Variants in HNF1B observed in about 807,000 individuals in gnomAD.
HNF1B encodes HNF1 homeobox B.
A neutral mutation model predicts 61.7 loss-of-function variants in HNF1B; 8 were observed. That is an observed-to-expected ratio of 0.13 (90% CI 0.08 to 0.23). The LOEUF (loss-of-function observed/expected upper bound fraction) is 0.23, where lower values mean the gene tolerates loss of function less well. Among genes scored for constraint, HNF1B ranks in the 10% least tolerant of loss-of-function variants. The pLI, the probability that HNF1B is intolerant of heterozygous loss-of-function variation, is 1.00. For missense variants in HNF1B, 562 were observed against 714.5 expected, an observed-to-expected ratio of 0.79 and a Z score of 2.43; for synonymous variants, 314 against 287.7, an observed-to-expected ratio of 1.09 and a Z score of -0.93.
At chr17:37,701,704 T>C (rs545807476) in intron 6 of HNF1B, among the ~76,000 whole-genome samples, 43 of 152,230 alleles carry the variant, frequency 2.8e-4, no homozygotes, top group African/African-American at 1.0e-3. Context: ...TAGTAGACTG[T>C]ACAAAGACCC....
chr17:37,704,862 C>T (rs936692535), intron 6 of HNF1B, 55 bp downstream of exon 6: 2 of 1,596,092 alleles, frequency 1.3e-6, no homozygotes, highest in Admixed American at 3.3e-5. Context: ...CATTAATTTG[C>T]TTCCCATTCT....
At chr17:37,731,345 A>C in intron 4 of HNF1B, 2 of 619,582 alleles carry the variant, frequency 3.2e-6, no homozygotes, top group East Asian at 2.8e-5. Context: ...AGAGGGAAGG[A>C]GACAAATAGG....
At chr17:37,744,269 T>C (rs1299947240) in intron 1 of HNF1B, among the ~76,000 whole-genome samples, 1 of 152,088 alleles carries the variant, frequency 6.6e-6, no homozygotes, top group Admixed American at 6.5e-5. Flanking sequence ...CAGCTCCAGT[T>C]CTCCCCGGCC....
At chr17:37,716,267 G>A (rs1461906918) in intron 4 of HNF1B, among the ~76,000 whole-genome samples, 6 of 152,064 alleles carry the variant, frequency 3.9e-5, no homozygotes, top group Admixed American at 2.6e-4. Context: ...GCGTAATCTC[G>A]GCTCACGGCA....
At chr17:37,737,422 G>T (rs1469330985) in intron 2 of HNF1B, among the ~76,000 whole-genome samples, 1 of 152,190 alleles carries the variant, frequency 6.6e-6, no homozygotes, top group African/African-American at 2.4e-5. Context: ...CTGGAGAAAA[G>T]AACCTATGTA....
rs2688 is a variant in HNF1B at position 37,686,928 on chromosome 17, T to C, written c.*444A>G. ...TCTTTAAAAGAAATCTCAAGATCATTTGGGATGGGGGCAGGGGAGGGAGTC... is the reference window on the plus strand; with the variant it reads ...TCTTTAAAAGAAATCTCAAGATCATCTGGGATGGGGGCAGGGGAGGGAGTC... On this transcript the variant is annotated 3_prime_UTR_variant, in exon 9 of 9. Coordinates refer to ENST00000617811, the MANE Select transcript of HNF1B (RefSeq NM_000458.4). 3.0e-6 allele frequency: 1 copy of C among 335,094 alleles called. No individual in the cohort carries two copies. Among genetic ancestry groups the C allele is most frequent in the Non-Finnish European group, 5.7e-6 (1 of 175,468 alleles). 20.8% of individuals were successfully genotyped at this position (335,094 alleles called of 1,614,324 possible).
At chr17:37,720,360 G>C (rs995623352) in intron 4 of HNF1B, among the ~76,000 whole-genome samples, 1 of 152,118 alleles carries the variant, frequency 6.6e-6, no homozygotes, top group Non-Finnish European at 1.5e-5. Flanking sequence ...TAGAACATTA[G>C]GGAGAAACTC....
In HNF1B at chr17:37,710,633, T is replaced by C; in HGVS notation, c.1076A>G (p.Glu359Gly). 1 of 1,614,094 alleles carries C rather than the reference T, an allele frequency of 6.2e-7. No individual in the cohort carries two copies. Residue 359 changes from glutamate (E) to glycine (G), a missense_variant, in exon 5 of 9, where the codon GAG (glutamate) becomes GGG (glycine). Coordinates refer to ENST00000617811, the MANE Select transcript of HNF1B (RefSeq NM_000458.4). ...ACTGATTGTTGAGGAGGAAGTGATCTCATTGTTTCCCTGCTGGCTGTAGCG... is the reference window on the plus strand; with the variant it reads ...ACTGATTGTTGAGGAGGAAGTGATCCCATTGTTTCCCTGCTGGCTGTAGCG... ...GVRYSQQGNN[E>G]ITSSSTISHH...
intron 6 of HNF1B, 27 bp downstream of exon 6, chr17:37,704,890 A>C (rs2107133): frequency 6.2e-7 from 1 of 1,613,530 alleles, no homozygotes; most frequent in South Asian, 1.1e-5. Context: ...CCTGCCCCCA[A>C]GTTTTCCAAC....
rs762266343 is a variant in HNF1B, at chr17:37,687,284, T to C, written c.*88A>G. On this transcript the variant is annotated 3_prime_UTR_variant, in exon 9 of 9. Coordinates refer to ENST00000617811, the MANE Select transcript of HNF1B (RefSeq NM_000458.4). ...CTCTCGCAGGTGCTGGTCAGGTCACTGGGCTTTTCCATGACAGCTGCCCAG... is the reference window on the plus strand; with the variant it reads ...CTCTCGCAGGTGCTGGTCAGGTCACCGGGCTTTTCCATGACAGCTGCCCAG... 65 of 1,612,786 alleles carry C rather than the reference T, an allele frequency of 4.0e-5. No homozygotes were observed. The highest frequency in any genetic ancestry group is 4.7e-5 in the Non-Finnish European group (55 of 1,179,278).
intron 2 of HNF1B, 69 bp from the exon 3 acceptor site, chr17:37,733,890 ACAG>A: frequency 6.4e-7 from 1 of 1,559,808 alleles, no homozygotes; most frequent in Non-Finnish European, 8.8e-7. Flanking sequence ...AGACAGACAG[ACAG>A]ACAACGGACG....
intron 2 of HNF1B, among the ~76,000 whole-genome samples, chr17:37,735,282 AC>A (rs1315410321): frequency 6.6e-6 from 1 of 151,842 alleles, no homozygotes; most frequent in Non-Finnish European, 1.5e-5. Flanking sequence ...CCCCTCTACA[AC>A]CCCACACCAA....
chr17:37,736,865 C>T (rs1405639956), intron 2 of HNF1B, among the ~76,000 whole-genome samples: 1 of 152,196 alleles, frequency 6.6e-6, no homozygotes, highest in Non-Finnish European at 1.5e-5. Context: ...GCTCTAGCCT[C>T]TCCCAATTTT....
chr17:37,724,903 CGT>C (rs34210303), intron 4 of HNF1B, among the ~76,000 whole-genome samples: 19,107 of 145,138 alleles, frequency 0.13, 1,452 homozygotes, highest in East Asian at 0.27. Context: ...TATATGTATG[CGT>C]GTGTGTGTGT....
At chr17:37,713,350 A>G (rs1352381411) in intron 4 of HNF1B, among the ~76,000 whole-genome samples, 8 of 152,238 alleles carry the variant, frequency 5.3e-5, no homozygotes, top group Admixed American at 5.2e-4. Flanking sequence ...CTACGCAATT[A>G]TTTATTTAAA....
At chr17:37,724,947 TAA>T (rs1555827548) in intron 4 of HNF1B, among the ~76,000 whole-genome samples, 1 of 150,920 alleles carries the variant, frequency 6.6e-6, no homozygotes, top group Non-Finnish European at 1.5e-5. Context: ...TATATATATA[TAA>T]TACATATATA....
chr17:37,697,730 C>G (rs1307846506), intron 8 of HNF1B, among the ~76,000 whole-genome samples: 1 of 152,080 alleles, frequency 6.6e-6, no homozygotes, highest in East Asian at 1.9e-4. Flanking sequence ...AGTCGAAGGG[C>G]AGGGTAGTGA....
chr17:37,724,931 T>C (rs1164435995), intron 4 of HNF1B, among the ~76,000 whole-genome samples: 2 of 83,872 alleles, frequency 2.4e-5, no homozygotes, highest in African/African-American at 1.2e-4. Flanking sequence ...TGTGTGTGTG[T>C]GTGTGTATAT....
intron 5 of HNF1B, among the ~76,000 whole-genome samples, chr17:37,708,509 G>T (rs2032826219): frequency 6.6e-6 from 1 of 152,212 alleles, no homozygotes; most frequent in South Asian, 2.1e-4. Flanking sequence ...AGGAGAGGCA[G>T]AGCTCAGTAG....
Sources: allele counts gnomAD v4.1 joint callset (sites outside exome capture counted in the v4.1 genomes callset), GRCh38; gene constraint gnomAD v4.1.1; transcripts MANE v1.5; gene names NCBI Gene and HGNC (gene_info 2026-07-23, HGNC 2026-07-21).